NRG3: variants seen among roughly 807,000 people sequenced by gnomAD.
The protein encoded by NRG3 is neuregulin 3, also known as pro-neuregulin-3, membrane-bound isoform.
In NRG3, 31 loss-of-function variants were observed where a neutral mutation model predicts 66.9. That is an observed-to-expected ratio of 0.46 (90% confidence interval 0.35 to 0.63). The LOEUF is 0.63. Among genes scored for constraint, NRG3 ranks in the 20% least tolerant of loss-of-function variants. The pLI is 0.00. For synonymous variants in NRG3, 393 were observed against 359.4 expected (o/e 1.09, Z -1.06); for missense variants, 910 against 878.9 (o/e 1.04, Z -0.45).
intron 3 of NRG3, among the ~76,000 whole-genome samples, chr10:82,759,305 G>A (rs2059209446): frequency 6.6e-6 from 1 of 152,058 alleles, no homozygotes; most frequent in African/African-American, 2.4e-5. Flanking sequence ...GATACATGCT[G>A]AGAGTAAATT....
intron 1 of NRG3, among the ~76,000 whole-genome samples, chr10:82,180,712 C>T (rs1277207823): frequency 6.6e-6 from 1 of 151,794 alleles, no homozygotes; most frequent in Non-Finnish European, 1.5e-5. Context: ...CCTTTTCTTG[C>T]AGTGTCTTTT....
intron 1 of NRG3, among the ~76,000 whole-genome samples, chr10:82,047,967 G>T (rs988011504): frequency 6.6e-6 from 1 of 151,920 alleles, no homozygotes. Context: ...TGATAAAACA[G>T]AGTTTAAACC....
intron 2 of NRG3, among the ~76,000 whole-genome samples, chr10:82,655,209 G>A (rs532974995): frequency 1.3e-5 from 2 of 151,998 alleles, no homozygotes; most frequent in East Asian, 3.9e-4. Flanking sequence ...CTTTCTTAAT[G>A]AAAAATAAAG....
chr10:82,015,349 C>A (rs1167768191), intron 1 of NRG3, among the ~76,000 whole-genome samples: 2 of 152,186 alleles, frequency 1.3e-5, no homozygotes, highest in Non-Finnish European at 2.9e-5. Context: ...ACTGATCATT[C>A]ATACTTCAAA....
intron 2 of NRG3, among the ~76,000 whole-genome samples, chr10:82,701,250 G>A (rs2055854464): frequency 6.6e-6 from 1 of 152,048 alleles, no homozygotes; most frequent in Non-Finnish European, 1.5e-5. Flanking sequence ...TCTTGTACAT[G>A]TTTGCTGAAT....
intron 1 of NRG3, among the ~76,000 whole-genome samples, chr10:82,023,546 G>A (rs1291518514): frequency 1.3e-5 from 2 of 151,958 alleles, no homozygotes; most frequent in Non-Finnish European, 2.9e-5. Context: ...TACACAATTT[G>A]TTGAGAGTTT....
At chr10:82,291,863 T>C (rs2134613376) in intron 1 of NRG3, among the ~76,000 whole-genome samples, 1 of 152,262 alleles carries the variant, frequency 6.6e-6, no homozygotes, top group East Asian at 1.9e-4. Flanking sequence ...CATAAAGCTA[T>C]AAAACTTTTA....
intron 1 of NRG3, among the ~76,000 whole-genome samples, chr10:82,085,807 T>C (rs1476545900): frequency 6.6e-6 from 1 of 152,016 alleles, no homozygotes; most frequent in Non-Finnish European, 1.5e-5. Flanking sequence ...CGGCTAATTT[T>C]TTTGTATTTT....
intron 1 of NRG3, among the ~76,000 whole-genome samples, chr10:82,143,914 C>T (rs1405901736): frequency 6.6e-6 from 1 of 151,760 alleles, no homozygotes; most frequent in Non-Finnish European, 1.5e-5. Flanking sequence ...CCCGTAGTCC[C>T]AGTTACTCAA....
At chr10:81,892,037 CA>C (rs1164242435) in intron 1 of NRG3, among the ~76,000 whole-genome samples, 17 of 152,080 alleles carry the variant, frequency 1.1e-4, no homozygotes, top group African/African-American at 4.1e-4. Context: ...GGACATTTGT[CA>C]GTTTGGCATT....
chr10:82,144,030 A>T (rs1175476890), intron 1 of NRG3, among the ~76,000 whole-genome samples: 1 of 142,260 alleles, frequency 7.0e-6, no homozygotes, highest in Non-Finnish European at 1.5e-5. Flanking sequence ...ACTTTGTCTT[A>T]AAAAAAAAAA....
chr10:82,088,762 T>C (rs1185670640), intron 1 of NRG3, among the ~76,000 whole-genome samples: 3 of 152,136 alleles, frequency 2.0e-5, no homozygotes, highest in Non-Finnish European at 4.4e-5. Context: ...GTACTCGACT[T>C]TTCCCCAATA....
At chr10:82,950,003 A>G (rs540616823) in intron 4 of NRG3, among the ~76,000 whole-genome samples, 87 of 152,318 alleles carry the variant, frequency 5.7e-4, no homozygotes, top group African/African-American at 2.0e-3. Flanking sequence ...AGTCTGCTCA[A>G]AAGTTCTCAA....
intron 1 of NRG3, among the ~76,000 whole-genome samples, chr10:82,250,435 A>G (rs778249616): frequency 2.6e-5 from 4 of 152,018 alleles, no homozygotes; most frequent in African/African-American, 4.8e-5. Context: ...AAATACAAAA[A>G]ATTATCTGGG....
At chr10:82,223,478 C>T (rs1388973043) in intron 1 of NRG3, among the ~76,000 whole-genome samples, 1 of 152,102 alleles carries the variant, frequency 6.6e-6, no homozygotes, top group Non-Finnish European at 1.5e-5. Context: ...TTCTGCTTCA[C>T]CTTGGCCGCT....
At chr10:82,477,512 C>T (rs969191582) in intron 2 of NRG3, among the ~76,000 whole-genome samples, 2 of 152,126 alleles carry the variant, frequency 1.3e-5, no homozygotes, top group Non-Finnish European at 2.9e-5. Flanking sequence ...CCTCAGAGCC[C>T]ATGCCCTTGA....
chr10:82,083,816 T>C (rs933489859), intron 1 of NRG3, among the ~76,000 whole-genome samples: 1 of 151,352 alleles, frequency 6.6e-6, no homozygotes, highest in Admixed American at 6.6e-5. Context: ...GGGGTTTCGC[T>C]GTGTTGGTCA....
chr10:82,481,619 G>A (rs1842275522), intron 2 of NRG3, among the ~76,000 whole-genome samples: 1 of 152,132 alleles, frequency 6.6e-6, no homozygotes, highest in Non-Finnish European at 1.5e-5. Flanking sequence ...GAAATTTAAA[G>A]GTAATCTTAG....
intron 1 of NRG3, among the ~76,000 whole-genome samples, chr10:82,082,873 A>G (rs1481450933): frequency 6.6e-6 from 1 of 152,056 alleles, no homozygotes; most frequent in Admixed American, 6.6e-5. Flanking sequence ...AATTAAAACT[A>G]TCATGAATGT....
Sources: gnomAD v4.1 joint callset for allele counts (sites outside exome capture counted in the v4.1 genomes callset) on GRCh38, gnomAD v4.1.1 for gene constraint, MANE v1.5 for transcripts, NCBI Gene and HGNC (gene_info 2026-07-23, HGNC 2026-07-21) for gene names.